The following EYS variants were observed in gnomAD, a reference collection of about 807,000 sequenced individuals.
The protein encoded by EYS is protein eyes shut homolog.
A neutral mutation model predicts 282.1 loss-of-function variants in EYS; 250 were observed. The ratio of observed to expected loss-of-function variants is 0.89; its 90% CI spans 0.80 to 0.98. The LOEUF (loss-of-function observed/expected upper bound fraction) is 0.98. EYS is among the 50% of genes least tolerant of loss of function. The probability of loss-of-function intolerance (pLI) is 0.00; values close to 1 mark genes in which losing one functional copy is unlikely to be tolerated. For missense variants in EYS, 4,016 were observed against 3,709.0 expected (o/e 1.08, Z -2.15); for synonymous variants, 1,355 against 1,282.9 (o/e 1.06, Z -1.20).
intron 5 of EYS, among the ~76,000 whole-genome samples, chr6:65,443,401 T>G (rs866473182): frequency 4.0e-5 from 6 of 150,054 alleles, no homozygotes; most frequent in Non-Finnish European, 6.0e-5. Context: ...CATACATGTA[T>G]GTACACATAT....
intron 27 of EYS, among the ~76,000 whole-genome samples, chr6:64,437,109 G>A (rs1387264306): frequency 6.3e-5 from 5 of 79,284 alleles, no homozygotes; most frequent in African/African-American, 1.9e-4. Flanking sequence ...ATGATATTTG[G>A]GCCATTGCAA....
chr6:63,980,498 C>T (rs1449118398), intron 35 of EYS, among the ~76,000 whole-genome samples: 1 of 151,746 alleles, frequency 6.6e-6, no homozygotes, highest in Non-Finnish European at 1.5e-5. Context: ...GGCTTTCTTC[C>T]TGTCTCTGTA....
Position 65,162,911 on chromosome 6 carries a change from T to TTGTGTGTGTGTGTGTG in EYS, c.2024-105200_2024-105185dup, listed in dbSNP as rs3036015. Among the ~76,000 whole-genome samples the TTGTGTGTGTGTGTGTG allele has an allele frequency of 4.5e-3, 663 of 147,376 alleles. 3 individuals are homozygous for TTGTGTGTGTGTGTGTG. The highest frequency in any genetic ancestry group is 7.1e-3 in the Non-Finnish European group (467 of 66,184). On this transcript the variant is annotated intron_variant, in intron 12 of 42. Transcript: ENST00000503581. Reference sequence around the variant, plus strand: ...ACTGCAACAAGGCCTCCTGTTCTGTTTGTGTGTGTGTGTGTGTGTGTGTGT... The same window carrying TTGTGTGTGTGTGTGTG: ...ACTGCAACAAGGCCTCCTGTTCTGTTTGTGTGTGTGTGTGTGTGTGTGTGTGTGTGTGTGTGTGTGT...
chr6:65,641,834 G>A (rs1163982738), intron 1 of EYS, among the ~76,000 whole-genome samples: 1 of 151,642 alleles, frequency 6.6e-6, no homozygotes, highest in East Asian at 1.9e-4. Flanking sequence ...TTTTGTCTTT[G>A]ACTTCTTTAA....
chr6:64,928,888 T>C (rs1006380776), intron 15 of EYS, among the ~76,000 whole-genome samples: 2 of 152,130 alleles, frequency 1.3e-5, no homozygotes, highest in Non-Finnish European at 2.9e-5. Context: ...TATGCAGTTC[T>C]GTGAATAAAA....
chr6:65,384,537 T>C (rs1267122126), intron 7 of EYS, 37 bp from the exon 8 acceptor site: 3 of 1,025,002 alleles, frequency 2.9e-6, no homozygotes, highest in African/African-American at 3.2e-5. Context: ...AAAATTATAA[T>C]TTAAATGTTT....
intron 5 of EYS, among the ~76,000 whole-genome samples, chr6:65,469,340 A>T (rs1765123595): frequency 6.6e-6 from 1 of 152,076 alleles, no homozygotes; most frequent in African/African-American, 2.4e-5. Flanking sequence ...TTAAAACAAC[A>T]TTTTTATTTC....
chr6:64,229,793 C>T (rs915799875), intron 31 of EYS, among the ~76,000 whole-genome samples: 1 of 152,080 alleles, frequency 6.6e-6, no homozygotes, highest in Non-Finnish European at 1.5e-5. Context: ...TAGGATGTCC[C>T]ACATTTTAGC....
At chr6:64,351,919 T>C (rs1159038235) in intron 29 of EYS, among the ~76,000 whole-genome samples, 1 of 151,634 alleles carries the variant, frequency 6.6e-6, no homozygotes, top group Non-Finnish European at 1.5e-5. Flanking sequence ...ATTTACTATA[T>C]CAGGGAACGA....
chr6:64,344,339 C>T (rs2150398792), intron 29 of EYS, among the ~76,000 whole-genome samples: 1 of 151,882 alleles, frequency 6.6e-6, no homozygotes, highest in Middle Eastern at 3.4e-3. Context: ...TCCAGCAGCA[C>T]ATCAAAAAGC....
intron 31 of EYS, among the ~76,000 whole-genome samples, chr6:64,101,913 A>C (rs1772842206): frequency 6.6e-6 from 1 of 151,800 alleles, no homozygotes; most frequent in African/African-American, 2.4e-5. Flanking sequence ...TGTGCAACCT[A>C]GATCCTTCAT....
chr6:65,199,794 A>C (rs1765855450), intron 12 of EYS, among the ~76,000 whole-genome samples: 1 of 152,126 alleles, frequency 6.6e-6, no homozygotes, highest in South Asian at 2.1e-4. Flanking sequence ...AATGAAAATA[A>C]ATAGATATTT....
chr6:65,406,123 T>C (rs1766727517), intron 5 of EYS, among the ~76,000 whole-genome samples: 1 of 152,142 alleles, frequency 6.6e-6, no homozygotes, highest in South Asian at 2.1e-4. Context: ...CTAGTAAATG[T>C]ACAATGGTAT....
chr6:63,991,384 C>T (rs902139963), intron 34 of EYS, among the ~76,000 whole-genome samples: 3 of 151,492 alleles, frequency 2.0e-5, no homozygotes, highest in Non-Finnish European at 4.4e-5. Flanking sequence ...CTCCAGGAGA[C>T]AACCCTTTAA....
At chr6:65,374,961 T>C (rs1360623658) in intron 8 of EYS, among the ~76,000 whole-genome samples, 1 of 152,124 alleles carries the variant, frequency 6.6e-6, no homozygotes, top group South Asian at 2.1e-4. Context: ...GCAGCTTCAG[T>C]GGACTTAAGC....
chr6:65,601,860 T>C (rs534440761), intron 2 of EYS, among the ~76,000 whole-genome samples: 129 of 152,062 alleles, frequency 8.5e-4, no homozygotes, highest in African/African-American at 3.0e-3. Context: ...AATAGAAATA[T>C]CAAAACATAT....
chr6:65,001,012 C>T (rs1026509870), intron 13 of EYS, among the ~76,000 whole-genome samples: 3 of 152,164 alleles, frequency 2.0e-5, no homozygotes, highest in African/African-American at 4.8e-5. Context: ...AGGGGGACCA[C>T]GCAGATAGGC....
At chr6:64,284,636 G>A (rs757353099) in intron 30 of EYS, among the ~76,000 whole-genome samples, 3 of 152,190 alleles carry the variant, frequency 2.0e-5, no homozygotes, top group Non-Finnish European at 4.4e-5. Context: ...GGTTCTCGAT[G>A]AGAGCCCCAC....
At chr6:65,185,684 G>A (rs78704028) in intron 12 of EYS, among the ~76,000 whole-genome samples, 1,652 of 151,784 alleles carry the variant, frequency 0.011, 34 homozygotes, top group African/African-American at 0.038. Flanking sequence ...CTATGTGTTC[G>A]TTCTTTTTGT....
Sources: allele counts gnomAD v4.1 joint callset (sites outside exome capture counted in the v4.1 genomes callset), GRCh38; gene constraint gnomAD v4.1.1; transcripts MANE v1.5; gene names NCBI Gene and HGNC (gene_info 2026-07-23, HGNC 2026-07-21).